The following EFCC1 variants were observed in gnomAD, a reference collection of about 807,000 sequenced individuals.
EFCC1 encodes EF-hand and coiled-coil domain-containing protein 1.
In EFCC1, 50 loss-of-function variants were observed where a neutral mutation model predicts 52.1. The observed-to-expected ratio is 0.96, with a 90% CI of 0.76 to 1.21. The LOEUF (loss-of-function observed/expected upper bound fraction) is 1.21, where lower values mean the gene tolerates loss of function less well. Ranked by LOEUF, EFCC1 falls within the 50% of genes most tolerant of loss-of-function variation. The pLI, the probability that EFCC1 is intolerant of heterozygous loss-of-function variation, is 0.00. For missense variants in EFCC1, 837 were observed against 867.3 expected (o/e 0.97, Z 0.44); for synonymous variants, 399 against 396.5 (o/e 1.01, Z -0.08).
intron 2 of EFCC1, 136 bp downstream of exon 2, chr3:129,004,213 A>C (rs1944956250): frequency 8.7e-7 from 1 of 1,149,844 alleles, no homozygotes; most frequent in Non-Finnish European, 1.1e-6. Flanking sequence ...GTATTCTTTC[A>C]TTCCTTTGTC....
In EFCC1 at chr3:129,014,437, G is replaced by A. The variant is rs1182239115; in HGVS notation, c.980+10360G>A. ...CTCTCCTGGGCTGGCAGCCAGGGCC[G>A]CCTTCTCCCTGTATCCTCGCGTGGT... On this transcript the variant is annotated intron_variant, in intron 2 of 7. Transcript: ENST00000683648. This position sits in a 1 kb window ranked among gnomAD's most constrained non-coding sequence, Gnocchi z 4.3. 1.3e-5 allele frequency among the ~76,000 whole-genome samples: 2 copies of A among 152,218 alleles called. No individual in the cohort carries two copies. The highest frequency in any genetic ancestry group is 2.4e-5 in the African/African-American group (1 of 41,454).
rs144831930 is a variant in EFCC1, at chr3:129,039,776, G to A, written c.1728G>A (p.Leu576=). 5.0e-6 allele frequency: 8 copies of A among 1,612,290 alleles called. No homozygotes were observed. The highest frequency in any genetic ancestry group is 6.8e-6 in the Non-Finnish European group (8 of 1,179,042). ...ACCAAGCCTTGGCTGCCTGCCAGCT[G>A]TTGCGGAGACAGCCCTCGGCACCAG... ...ALHQALAACQ[L]LRRQPSAPAS... is the part of the protein sequence containing the mutation. Residue 576 remains leucine (L), a synonymous_variant, in exon 8 of 8, where the codon CTG becomes CTA. Transcript: ENST00000683648.
chr3:129,022,260 T>C (rs1266187948), intron 2 of EFCC1, among the ~76,000 whole-genome samples: 1 of 152,138 alleles, frequency 6.6e-6, no homozygotes, highest in African/African-American at 2.4e-5. Flanking sequence ...TCCCCAGCAG[T>C]GTTGACTGAT....
chr3:129,020,272 G>C (rs140381285), intron 2 of EFCC1, among the ~76,000 whole-genome samples: 1 of 152,270 alleles, frequency 6.6e-6, no homozygotes, highest in Non-Finnish European at 1.5e-5. Flanking sequence ...TGCCTACTCT[G>C]TGCCAGGCAC....
intron 2 of EFCC1, among the ~76,000 whole-genome samples, chr3:129,026,676 A>G (rs764607359): frequency 4.2e-4 from 64 of 152,168 alleles, no homozygotes; most frequent in Non-Finnish European, 5.7e-4. Context: ...TCTTGGAGAC[A>G]GTGACCTTAT....
chr3:129,007,517 T>C (rs2107866268), intron 2 of EFCC1, among the ~76,000 whole-genome samples: 1 of 152,352 alleles, frequency 6.6e-6, no homozygotes, highest in Non-Finnish European at 1.5e-5. Flanking sequence ...TTAGAATAAA[T>C]GACCCAACAA....
At chr3:129,003,760 C>G in intron 1 of EFCC1, 34 bp from the exon 2 acceptor site, 1 of 1,368,806 alleles carries the variant, frequency 7.3e-7, no homozygotes, top group South Asian at 1.6e-5. Context: ...GGCTGGGGCA[C>G]TTACCCCCTG....
chr3:129,027,149 G>A lies in EFCC1; in HGVS notation c.981-3554G>A, dbSNP rs1272551720. On this transcript the variant is annotated intron_variant, in intron 2 of 7. Transcript: ENST00000683648. ...CAGCGAAACGCCGGAAACGCCTGCA[G>A]ACGCCTGCAGACGCTCCTTGTGTTT... Among the ~76,000 whole-genome samples, 212 of 150,782 alleles carry A rather than the reference G, an allele frequency of 1.4e-3. 3 individuals carry two copies. Among genetic ancestry groups the A allele is most frequent in the African/African-American group, 4.6e-3 (187 of 40,332 alleles).
At chr3:129,003,728 C>T in intron 1 of EFCC1, 66 bp from the exon 2 acceptor site, 2 of 1,269,570 alleles carry the variant, frequency 1.6e-6, no homozygotes, top group Non-Finnish European at 2.0e-6. Flanking sequence ...GCCGTCGTGG[C>T]GGGCGTTCGT....
At chr3:129,003,404 G>A in intron 1 of EFCC1, 2 of 530,642 alleles carry the variant, frequency 3.8e-6, no homozygotes, top group African/African-American at 2.1e-5. Flanking sequence ...GGGGAGGGCT[G>A]GAAATGCCAC....
At position 129,004,067 on chromosome 3, in the gene EFCC1, C is replaced by T. The variant is rs1448837014; in HGVS notation, c.970C>T (p.Gln324Ter). The change falls in exon 2 of 8, where the codon CAA becomes TAA. Residue 324 changes from glutamine (Q) to a stop codon, truncating the protein, a stop_gained. Transcript: ENST00000683648. LOFTEE classifies it high-confidence loss of function. ...GGTGCGGCGGCTGGAGGCGGAGCTGCAACGCTACAGGTGAGCGGGGGCGCG... is the reference window on the plus strand; with the variant it reads ...GGTGCGGCGGCTGGAGGCGGAGCTGTAACGCTACAGGTGAGCGGGGGCGCG... ...RWVRRLEAEL[Q>*]RYRSEDSQLP... 3.3e-6 allele frequency: 5 copies of T among 1,508,712 alleles called. No individual in the cohort carries two copies. The South Asian group carries it at 3.6e-5, about 11-fold the overall frequency. 93.5% of individuals were successfully genotyped at this position (1,508,712 alleles called of 1,614,324 possible). A position where few individuals can be genotyped will look rare whatever the true frequency, so the allele number is the denominator to read the frequency against.
intron 5 of EFCC1, 39 bp downstream of exon 5, chr3:129,034,368 A>G (rs758142946): frequency 6.2e-7 from 1 of 1,604,440 alleles, no homozygotes; most frequent in South Asian, 1.1e-5. Flanking sequence ...GAGCAATTCT[A>G]GAGGATCTCA....
intron 2 of EFCC1, among the ~76,000 whole-genome samples, 187 bp downstream of exon 2, chr3:129,004,264 G>C (rs1944960107): frequency 6.6e-6 from 1 of 152,058 alleles, no homozygotes; most frequent in African/African-American, 2.4e-5. Flanking sequence ...TCCATTGCTT[G>C]CTCTGCAACC....
chr3:129,027,715 T>C (rs116208517), intron 2 of EFCC1, among the ~76,000 whole-genome samples: 1,904 of 152,178 alleles, frequency 0.013, 38 homozygotes, highest in African/African-American at 0.044. Flanking sequence ...CAGCACTTTC[T>C]GGGGCCGAGG....
rs1452337529 is a variant in EFCC1, at chr3:129,001,727, C to T, written c.99C>T (p.Ala33=). The T allele has an allele frequency of 1.3e-6, 2 of 1,523,440 alleles. No individual in the cohort carries two copies. The highest frequency in any genetic ancestry group is 5.2e-5 in the East Asian group (2 of 38,382). The allele number at this position is 1,523,440 out of a possible 1,614,324, so 94.4% of individuals were successfully genotyped here. Reference sequence around the variant, plus strand: ...GGCGCACGCAGTGGCTGCTGAGCGCCCTGGCGCACCACTACGGGCTGGACC... The same window carrying T: ...GGCGCACGCAGTGGCTGCTGAGCGCTCTGGCGCACCACTACGGGCTGGACC... ...PARRTQWLLS[A]LAHHYGLDRG... Residue 33 remains alanine (A), a synonymous_variant, in exon 1 of 8, where the codon GCC becomes GCT. Transcript: ENST00000683648.
chr3:129,018,282 C>G (rs1408256895), intron 2 of EFCC1, among the ~76,000 whole-genome samples: 1 of 152,184 alleles, frequency 6.6e-6, no homozygotes, highest in Non-Finnish European at 1.5e-5. Flanking sequence ...CCGGGGTTAG[C>G]AAACTACAGC....
intron 2 of EFCC1, among the ~76,000 whole-genome samples, chr3:129,011,001 TCA>T (rs1945300969): frequency 2.0e-5 from 3 of 152,282 alleles, no homozygotes; most frequent in South Asian, 2.1e-4. Context: ...TCTGTGAGTC[TCA>T]GTTTCCTCGG....
intron 2 of EFCC1, among the ~76,000 whole-genome samples, chr3:129,025,917 C>T (rs1031868768): frequency 9.2e-5 from 14 of 152,238 alleles, no homozygotes; most frequent in African/African-American, 3.4e-4. Flanking sequence ...GCAGCTGGGC[C>T]GGGTCATTCC....
intron 2 of EFCC1, among the ~76,000 whole-genome samples, chr3:129,011,144 G>A (rs1470347515): frequency 1.3e-5 from 2 of 152,214 alleles, no homozygotes; most frequent in African/African-American, 2.4e-5. Context: ...CAGCTCATCT[G>A]TAAAATGAGA....
Sources: gnomAD v4.1 joint callset for allele counts (sites outside exome capture counted in the v4.1 genomes callset) on GRCh38, gnomAD v4.1.1 for gene constraint, Gnocchi (gnomAD v3.1) non-coding constraint, MANE v1.5 for transcripts, NCBI Gene and HGNC (gene_info 2026-07-23, HGNC 2026-07-21) for gene names.